GPNMB: variants seen among roughly 807,000 people sequenced by gnomAD.
GPNMB encodes the protein transmembrane glycoprotein NMB.
A neutral mutation model predicts 57.3 loss-of-function variants in GPNMB; 71 were observed. That is an observed-to-expected ratio of 1.24 (90% CI 1.02 to 1.51). The LOEUF (loss-of-function observed/expected upper bound fraction) is 1.51. Among genes scored for constraint, GPNMB ranks in the 40% most tolerant of loss-of-function variants. GPNMB has a pLI of 0.00. For missense variants in GPNMB, 677 were observed against 691.9 expected (o/e 0.98, Z 0.24); for synonymous variants, 253 against 263.2 (o/e 0.96, Z 0.38).
Position 23,266,665 on chromosome 7 carries a change from G to A in GPNMB, c.1117+50G>A. 3 of 1,566,500 alleles carry A rather than the reference G, an allele frequency of 1.9e-6. No homozygotes were observed. In the South Asian group the frequency reaches 3.4e-5, roughly 18 times the overall value. Reference sequence around the variant, plus strand: ...GAGGAAGGATGCTAGACTCCACCTAGGGTCACCCACTCTCTCTGCTAACTC... The same window carrying A: ...GAGGAAGGATGCTAGACTCCACCTAAGGTCACCCACTCTCTCTGCTAACTC... On this transcript the variant is annotated intron_variant, in intron 7 of 10. Coordinates refer to ENST00000258733, the MANE Select transcript of GPNMB (RefSeq NM_002510.3).
intron 1 of GPNMB, among the ~76,000 whole-genome samples, chr7:23,249,517 A>G (rs75574164): frequency 6.6e-6 from 1 of 152,156 alleles, no homozygotes; most frequent in Admixed American, 6.5e-5. Flanking sequence ...ATCATTTTGT[A>G]ATTTCCAAAA....
intron 4 of GPNMB, among the ~76,000 whole-genome samples, chr7:23,259,363 T>C (rs757920300): frequency 2.0e-5 from 3 of 152,122 alleles, no homozygotes; most frequent in Non-Finnish European, 2.9e-5. Flanking sequence ...TTTTGTATTT[T>C]AGTAGAGATG....
At chr7:23,271,821 C>G (rs1426637988) in intron 9 of GPNMB, among the ~76,000 whole-genome samples, 2 of 151,326 alleles carry the variant, frequency 1.3e-5, no homozygotes, top group African/African-American at 4.9e-5. Context: ...ACAAAAAAAA[C>G]TAAAAAAAAA....
Position 23,274,482 on chromosome 7 carries a change from A to T in GPNMB, c.*258A>T. ...ATTATTTTTTATGTTTCACTTATAA[A>T]GTCTTAGGTAACTAGTAGGATAGAA... is the stretch of plus-strand genomic sequence containing the variant. On this transcript the variant is annotated 3_prime_UTR_variant, in exon 11 of 11. Coordinates refer to ENST00000258733, the MANE Select transcript of GPNMB (RefSeq NM_002510.3). 1 of 329,902 alleles carries T rather than the reference A, an allele frequency of 3.0e-6. No homozygotes were observed. The highest frequency in any genetic ancestry group is 5.6e-6 in the Non-Finnish European group (1 of 180,028). 20.4% of individuals were successfully genotyped at this position (329,902 alleles called of 1,614,324 possible). A position where few individuals can be genotyped will look rare whatever the true frequency, so the allele number is the denominator to read the frequency against.
At position 23,248,876 on chromosome 7, in the gene GPNMB, TG is replaced by T. The variant is rs1782598556; in HGVS notation, c.70+1952del. On this transcript the variant is annotated intron_variant, in intron 1 of 10. Transcript: ENST00000258733. ...ACAGCTCACTGCAGCCTCCAACTCC[TG>T]GGCTAAAGGTGATCTTCCACCTCAG... Among the ~76,000 whole-genome samples, 9 of 152,042 alleles carry T rather than the reference TG, an allele frequency of 5.9e-5. No individual in the cohort carries two copies. In the South Asian group the frequency reaches 1.9e-3, roughly 32 times the overall value.
rs547599372 is a variant in GPNMB at position 23,259,981 on chromosome 7, T to G, written c.543T>G (p.Gly181=). Residue 181 remains glycine (G), a splice_region_variant and synonymous_variant, in exon 5 of 11, where the codon GGT becomes GGG. Transcript: ENST00000258733. ...WNFIYVFHTL[G]QYFQKLGRCS... ...CTAAAAATTTCCATCCTCCCAAAGGTCAGTATTTCCAGAAATTGGGACGAT... is the reference window on the plus strand; with the variant it reads ...CTAAAAATTTCCATCCTCCCAAAGGGCAGTATTTCCAGAAATTGGGACGAT... The G allele has an allele frequency of 3.3e-5, 54 of 1,613,796 alleles. No homozygotes were observed. Among genetic ancestry groups the G allele is most frequent in the Non-Finnish European group, 4.2e-5 (49 of 1,179,896 alleles).
intron 1 of GPNMB, among the ~76,000 whole-genome samples, chr7:23,249,218 G>A (rs913982339): frequency 7.2e-5 from 11 of 152,234 alleles, no homozygotes; most frequent in East Asian, 1.9e-4. Context: ...CATTGCATCC[G>A]GCCTTTATTT....
At chr7:23,250,838 T>C (rs1782644292) in intron 1 of GPNMB, 1 of 152,254 alleles carries the variant, frequency 6.6e-6, no homozygotes, top group Non-Finnish European at 1.5e-5. Context: ...ATGTGAATCT[T>C]GATTTCTACT....
At chr7:23,248,086 C>A (rs1257425332) in intron 1 of GPNMB, 1 of 152,310 alleles carries the variant, frequency 6.6e-6, no homozygotes, top group African/African-American at 2.4e-5. Context: ...AGCCTAGGGG[C>A]TGGGTCTCCA....
intron 3 of GPNMB, 21 bp from the exon 4 acceptor site, chr7:23,256,871 C>T: frequency 6.2e-7 from 1 of 1,607,014 alleles, no homozygotes; most frequent in Non-Finnish European, 8.5e-7. Context: ...ACACTCATGG[C>T]TGGTTTCTAT....
intron 7 of GPNMB, among the ~76,000 whole-genome samples, chr7:23,267,333 A>G (rs1447346313): frequency 6.6e-6 from 1 of 152,210 alleles, no homozygotes; most frequent in Non-Finnish European, 1.5e-5. Flanking sequence ...TGCTGCATGG[A>G]TATGTATCCT....
intron 1 of GPNMB, chr7:23,250,924 T>G (rs1782646034): frequency 6.6e-6 from 1 of 152,222 alleles, no homozygotes; most frequent in Non-Finnish European, 1.5e-5. Flanking sequence ...GGATTTGAAC[T>G]AAATAATCTT....
intron 1 of GPNMB, among the ~76,000 whole-genome samples, chr7:23,251,901 G>A (rs73686584): frequency 0.016 from 2,367 of 152,276 alleles, 58 homozygotes; most frequent in African/African-American, 0.055. Flanking sequence ...GGGGAAAATA[G>A]GAGGAGGCGT....
chr7:23,269,069 G>A (rs1783136432), intron 8 of GPNMB, among the ~76,000 whole-genome samples: 1 of 152,078 alleles, frequency 6.6e-6, no homozygotes, highest in Admixed American at 6.6e-5. Flanking sequence ...TGTTAAACTG[G>A]GGTAATGTTA....
intron 4 of GPNMB, 57 bp downstream of exon 4, chr7:23,257,122 T>C (rs758522044): frequency 7.1e-7 from 1 of 1,399,068 alleles, no homozygotes; most frequent in South Asian, 1.2e-5. Context: ...ATTTCAACCT[T>C]CTCTTTTCTT....
At chr7:23,272,413 T>C (rs937545804) in intron 9 of GPNMB, among the ~76,000 whole-genome samples, 1 of 151,754 alleles carries the variant, frequency 6.6e-6, no homozygotes, top group African/African-American at 2.4e-5. Context: ...GAGGATCCCT[T>C]GAGCCCAGAA....
intron 6 of GPNMB, among the ~76,000 whole-genome samples, chr7:23,263,415 C>A (rs1416040578): frequency 6.6e-6 from 1 of 151,860 alleles, no homozygotes; most frequent in Non-Finnish European, 1.5e-5. Context: ...AGTTCGAGAC[C>A]AGCCTGGTCA....
rs528487389 is a variant in GPNMB at position 23,268,588 on chromosome 7, TTAAC to T, written c.1220+604_1220+607del. 2.2e-3 allele frequency among the ~76,000 whole-genome samples: 336 copies of T among 152,336 alleles called. 1 individual carries two copies. The highest frequency in any genetic ancestry group is 7.6e-3 in the African/African-American group (314 of 41,562). On this transcript the variant is annotated intron_variant, in intron 8 of 10. Coordinates refer to ENST00000258733, the MANE Select transcript of GPNMB (RefSeq NM_002510.3). ...AATGAATATATAAATACTATATCGA[TTAAC>T]TAAATATACATTAGCAAATCATTTG...
At position 23,254,165 on chromosome 7, in the gene GPNMB, C is replaced by T. The variant is rs183275111; in HGVS notation, c.224-4C>T. On this transcript the variant is annotated splice_region_variant and splice_polypyrimidine_tract_variant and intron_variant, in intron 2 of 10. Coordinates refer to ENST00000258733, the MANE Select transcript of GPNMB (RefSeq NM_002510.3). Reference sequence around the variant, plus strand: ...TCATCGAGCCCCACTTTTTTATACCCTAGGAGGCCGTGTGCAGGCGGTCCT... The same window carrying T: ...TCATCGAGCCCCACTTTTTTATACCTTAGGAGGCCGTGTGCAGGCGGTCCT... 17 of 1,610,900 alleles carry T rather than the reference C, an allele frequency of 1.1e-5. No individual in the cohort carries two copies. The highest frequency in any genetic ancestry group is 8.9e-5 in the East Asian group (4 of 44,804).
Sources: gnomAD v4.1 joint callset for allele counts (sites outside exome capture counted in the v4.1 genomes callset) on GRCh38, gnomAD v4.1.1 for gene constraint, MANE v1.5 for transcripts, NCBI Gene and HGNC (gene_info 2026-07-23, HGNC 2026-07-21) for gene names.